FAM117B: variants seen among roughly 807,000 people sequenced by gnomAD.
FAM117B encodes the protein family with sequence similarity 117 member B.
Under a neutral mutation model 52.8 loss-of-function variants are expected in FAM117B, and 22 were observed. The observed-to-expected ratio is 0.42, with a 90% CI of 0.30 to 0.59. FAM117B has a LOEUF of 0.59. Among genes scored for constraint, FAM117B ranks in the 20% least tolerant of loss-of-function variants. The pLI is 0.22. For synonymous variants in FAM117B, 309 were observed against 324.1 expected (o/e 0.95, Z 0.50); for missense variants, 678 against 802.6 (o/e 0.84, Z 1.88).
At chr2:202,676,227 TG>T (rs1295523526) in intron 1 of FAM117B, among the ~76,000 whole-genome samples, 1 of 151,966 alleles carries the variant, frequency 6.6e-6, no homozygotes, top group East Asian at 1.9e-4. Flanking sequence ...TGAATGAACT[TG>T]GAAGAAAATC....
At chr2:202,680,348 A>G (rs1299237341) in intron 1 of FAM117B, among the ~76,000 whole-genome samples, 6 of 152,218 alleles carry the variant, frequency 3.9e-5, no homozygotes, top group Non-Finnish European at 7.3e-5. Flanking sequence ...GCAGCACACC[A>G]ACATGGCACA....
chr2:202,739,606 C>T (rs1387720026), intron 4 of FAM117B, among the ~76,000 whole-genome samples: 2 of 151,962 alleles, frequency 1.3e-5, no homozygotes, highest in Non-Finnish European at 1.5e-5. Flanking sequence ...CAGGCGTGTG[C>T]CACCATGCCC....
chr2:202,715,994 A>G (rs1691048450), intron 2 of FAM117B, among the ~76,000 whole-genome samples: 2 of 152,218 alleles, frequency 1.3e-5, no homozygotes, highest in Non-Finnish European at 2.9e-5. Flanking sequence ...AGGCAGGAGA[A>G]TCAGGCAGGG....
intron 2 of FAM117B, among the ~76,000 whole-genome samples, chr2:202,710,298 A>G (rs980485177): frequency 1.3e-5 from 2 of 152,050 alleles, no homozygotes; most frequent in Non-Finnish European, 2.9e-5. Context: ...AATTTCTTTA[A>G]TCAATGTTTT....
chr2:202,750,588 G>A (rs1691706924), intron 4 of FAM117B, among the ~76,000 whole-genome samples: 1 of 152,156 alleles, frequency 6.6e-6, no homozygotes, highest in Non-Finnish European at 1.5e-5. Flanking sequence ...TTGGCAGTTA[G>A]GGCTTCAACA....
chr2:202,707,580 A>G (rs1282230704), intron 2 of FAM117B, among the ~76,000 whole-genome samples: 2 of 151,750 alleles, frequency 1.3e-5, no homozygotes, highest in Non-Finnish European at 2.9e-5. Context: ...TGGCGTGTGC[A>G]CTTGCAATCC....
intron 6 of FAM117B, among the ~76,000 whole-genome samples, chr2:202,757,703 C>G (rs906054105): frequency 6.6e-6 from 1 of 152,156 alleles, no homozygotes; most frequent in Non-Finnish European, 1.5e-5. Context: ...GAGAAACATT[C>G]TTTTTGGAAT....
intron 4 of FAM117B, among the ~76,000 whole-genome samples, chr2:202,747,820 G>A (rs1482625343): frequency 1.3e-5 from 2 of 151,958 alleles, no homozygotes; most frequent in Admixed American, 6.6e-5. Context: ...GACACAAATG[G>A]AAAGATATCC....
intron 1 of FAM117B, among the ~76,000 whole-genome samples, chr2:202,685,406 TAA>T (rs1218758878): frequency 6.6e-6 from 1 of 152,186 alleles, no homozygotes; most frequent in African/African-American, 2.4e-5. Flanking sequence ...TTATTATATA[TAA>T]GTGTATATAA....
intron 1 of FAM117B, among the ~76,000 whole-genome samples, chr2:202,654,914 C>T (rs965426973): frequency 7.2e-5 from 11 of 151,838 alleles, no homozygotes; most frequent in East Asian, 1.9e-4. Flanking sequence ...CTATTTGGGG[C>T]TGCTATGAGT....
intron 7 of FAM117B, among the ~76,000 whole-genome samples, chr2:202,763,550 T>G (rs564222900): frequency 4.6e-5 from 7 of 152,310 alleles, no homozygotes; most frequent in African/African-American, 1.7e-4. Context: ...ATTATTTAAT[T>G]ATGGAAACAT....
rs1297739544 is a variant in FAM117B at position 202,765,597 on chromosome 2, A to G, written c.1603A>G (p.Ser535Gly). ...TCTTACACTCAAGGGCTCTGGCCAC[A>G]GCCTGACAGTCACCACTGGCATGAC... The part of the protein sequence containing the change: ...PDLTLKGSGH[S>G]LTVTTGMTTT... The change falls in exon 8 of 8, where the codon AGC becomes GGC. Residue 535 changes from serine to glycine, a missense_variant. Physicochemically the swap from Ser to Gly is moderately conservative, Grantham distance 56 (BLOSUM62 0). Transcript: ENST00000392238. 1.2e-6 allele frequency: 2 copies of G among 1,614,048 alleles called. No individual in the cohort carries two copies. The highest frequency in any genetic ancestry group is 2.7e-5 in the African/African-American group (2 of 74,910).
At chr2:202,693,956 G>A (rs1690670185) in intron 1 of FAM117B, among the ~76,000 whole-genome samples, 1 of 152,068 alleles carries the variant, frequency 6.6e-6, no homozygotes, top group Non-Finnish European at 1.5e-5. Flanking sequence ...CTTAAAGGAT[G>A]TGCACATTGA....
intron 1 of FAM117B, among the ~76,000 whole-genome samples, chr2:202,679,306 C>G (rs1418091477): frequency 6.6e-6 from 1 of 152,184 alleles, no homozygotes; most frequent in Non-Finnish European, 1.5e-5. Context: ...GGGGGAATCT[C>G]AGGGCATGAT....
chr2:202,754,130 T>C (rs1691764395), intron 4 of FAM117B, among the ~76,000 whole-genome samples: 1 of 152,148 alleles, frequency 6.6e-6, no homozygotes, highest in South Asian at 2.1e-4. Context: ...CCAACTGAAA[T>C]GCCATCAATG....
chr2:202,663,693 C>G (rs1051656219), intron 1 of FAM117B, among the ~76,000 whole-genome samples: 1 of 151,580 alleles, frequency 6.6e-6, no homozygotes, highest in Admixed American at 6.6e-5. Context: ...AAGCGATTCT[C>G]CTGCCTCAGC....
chr2:202,715,571 G>A (rs1348786485), intron 2 of FAM117B, among the ~76,000 whole-genome samples: 16 of 151,838 alleles, frequency 1.1e-4, no homozygotes, highest in Middle Eastern at 3.4e-3. Context: ...GATGGTGGCC[G>A]GGAAGAGGCG....
intron 2 of FAM117B, among the ~76,000 whole-genome samples, chr2:202,718,002 A>C: frequency 6.6e-6 from 1 of 151,948 alleles, no homozygotes; most frequent in East Asian, 1.9e-4. Context: ...CACAAGATGC[A>C]GTCCTTCCCA....
chr2:202,736,207 A>AT (rs1414269328), intron 4 of FAM117B, among the ~76,000 whole-genome samples: 1 of 152,334 alleles, frequency 6.6e-6, no homozygotes, highest in African/African-American at 2.4e-5. Context: ...ATGTTATTTA[A>AT]TTTTTAAAAG....
Sources: allele counts gnomAD v4.1 joint callset (sites outside exome capture counted in the v4.1 genomes callset), GRCh38; gene constraint gnomAD v4.1.1; transcripts MANE v1.5; gene names NCBI Gene and HGNC (gene_info 2026-07-23, HGNC 2026-07-21).